Variants in GSN observed in about 807,000 individuals in gnomAD.
The protein encoded by GSN is actin-depolymerizing factor.
Under a neutral mutation model 85.7 loss-of-function variants are expected in GSN, and 56 were observed. The ratio of observed to expected loss-of-function variants is 0.65; its 90% CI spans 0.53 to 0.82. The LOEUF (loss-of-function observed/expected upper bound fraction) is 0.82, where lower values mean the gene tolerates loss of function less well. Ranked by LOEUF, GSN falls within the 40% of genes least tolerant of loss-of-function variation. The pLI is 0.00. For missense variants in GSN, 857 were observed against 979.8 expected (o/e 0.87, Z 1.67); for synonymous variants, 373 against 399.1 (o/e 0.93, Z 0.78).
chr9:121,252,739 G>T (rs906014780), intron 6 of GSN, among the ~76,000 whole-genome samples: 3 of 152,172 alleles, frequency 2.0e-5, no homozygotes, highest in Non-Finnish European at 4.4e-5. Flanking sequence ...CACATGCATT[G>T]GATATGTGTC....
intron 2 of GSN, among the ~76,000 whole-genome samples, chr9:121,290,557 A>G (rs967697542): frequency 6.6e-6 from 1 of 152,234 alleles, no homozygotes; most frequent in Non-Finnish European, 1.5e-5. Flanking sequence ...TTTAAAAAAT[A>G]CAAGTTATTG....
intron 12 of GSN, among the ~76,000 whole-genome samples, chr9:121,326,236 C>T (rs1309607771): frequency 2.0e-5 from 3 of 151,888 alleles, no homozygotes; most frequent in Non-Finnish European, 4.4e-5. Context: ...AACACAGGCT[C>T]TCCTGGTTCT....
At chr9:121,276,556 C>G (rs1217125727) in intron 1 of GSN, among the ~76,000 whole-genome samples, 4 of 152,248 alleles carry the variant, frequency 2.6e-5, no homozygotes, top group African/African-American at 9.6e-5. Context: ...ACTGCCTCCT[C>G]ATCTCAAAAC....
intron 4 of GSN, among the ~76,000 whole-genome samples, chr9:121,226,618 C>T (rs2054276261): frequency 6.6e-6 from 1 of 152,182 alleles, no homozygotes; most frequent in Non-Finnish European, 1.5e-5. Context: ...CACAGAGCTC[C>T]TAAAATTCTT....
chr9:121,213,297 A>G (rs906668914), intron 4 of GSN, among the ~76,000 whole-genome samples: 1 of 152,168 alleles, frequency 6.6e-6, no homozygotes, highest in Non-Finnish European at 1.5e-5. Context: ...GCTTCCAAAA[A>G]CTATGGGGAA....
intron 5 of GSN, among the ~76,000 whole-genome samples, chr9:121,235,668 T>C (rs1338513130): frequency 6.6e-6 from 1 of 152,222 alleles, no homozygotes; most frequent in Non-Finnish European, 1.5e-5. Flanking sequence ...AGCTGGGTTC[T>C]GGCTGGTGGG....
chr9:121,276,467 G>GA (rs2056683595), intron 1 of GSN, among the ~76,000 whole-genome samples: 1 of 152,214 alleles, frequency 6.6e-6, no homozygotes, highest in Non-Finnish European at 1.5e-5. Context: ...ACAAAGGACC[G>GA]AATGACTTGG....
At position 121,294,903 on chromosome 9, in the gene GSN, AG is replaced by A. The variant is rs369709482; in HGVS notation, c.-9-7059del. Among the ~76,000 whole-genome samples the A allele has an allele frequency of 5.4e-3, 825 of 152,308 alleles. 9 individuals carry two copies. The highest frequency in any genetic ancestry group is 0.019 in the African/African-American group (786 of 41,564). On this transcript the variant is annotated intron_variant, in intron 2 of 17. Coordinates refer to ENST00000432226, the MANE Select transcript of GSN (RefSeq NM_198252.3). ...CCTGCTCTGAACAACATACTCCAAC[AG>A]TCTCACTTCTGTTCCCCCAAAAGTC...
intron 7 of GSN, among the ~76,000 whole-genome samples, chr9:121,314,930 C>G (rs1311332296): frequency 6.6e-6 from 1 of 152,212 alleles, no homozygotes; most frequent in Non-Finnish European, 1.5e-5. Flanking sequence ...GGCACAATCA[C>G]AGCTCACTGC....
At chr9:121,232,291 T>C (rs2054405593) in intron 5 of GSN, among the ~76,000 whole-genome samples, 1 of 152,330 alleles carries the variant, frequency 6.6e-6, no homozygotes, top group Admixed American at 6.5e-5. Flanking sequence ...ATTTATGTAA[T>C]GAGGAAATCT....
intron 6 of GSN, chr9:121,313,625 G>A (rs141172677): frequency 6.7e-5 from 29 of 433,926 alleles, no homozygotes; most frequent in Non-Finnish European, 1.0e-4. Flanking sequence ...AAAGGTAGGC[G>A]GTAGAAGGTG....
chr9:121,288,054 G>T (rs553793532), intron 2 of GSN, among the ~76,000 whole-genome samples: 95 of 152,264 alleles, frequency 6.2e-4, no homozygotes, highest in Non-Finnish European at 1.2e-3. Context: ...AGCCTCCCGA[G>T]TAGGTGGGAC....
chr9:121,239,370 G>T, intron 5 of GSN: 1 of 449,158 alleles, frequency 2.2e-6, no homozygotes, highest in South Asian at 1.9e-5. Flanking sequence ...GGCAGATGTT[G>T]TCCATTGAGC....
In GSN at chr9:121,329,054, G is replaced by A. The variant is rs774408394; in HGVS notation, c.1887+39G>A. On this transcript the variant is annotated intron_variant, in intron 15 of 17. Coordinates refer to ENST00000432226, the MANE Select transcript of GSN (RefSeq NM_198252.3). The surrounding 1 kb of genome is among the most constrained non-coding windows in gnomAD (Gnocchi z 4.6). ...GAGGTCACACCTCTGCTTTCCCCTCGGGAGGCGAGTTCCACAGGACTGGCC... is the reference window on the plus strand; with the variant it reads ...GAGGTCACACCTCTGCTTTCCCCTCAGGAGGCGAGTTCCACAGGACTGGCC... 2.2e-5 allele frequency: 36 copies of A among 1,610,128 alleles called. No homozygotes were observed. The highest frequency in any genetic ancestry group is 4.5e-5 in the East Asian group (2 of 44,828).
intron 2 of GSN, chr9:121,286,210 G>T: frequency 6.8e-7 from 1 of 1,464,484 alleles, no homozygotes; most frequent in Non-Finnish European, 9.2e-7. Flanking sequence ...ATCTGGGGTG[G>T]TCCCCGAAGC....
chr9:121,205,733 T>C (rs1052508), upstream of GSN, among the ~76,000 whole-genome samples: 54,344 of 151,970 alleles, frequency 0.36, 12,101 homozygotes, highest in South Asian at 0.64. Flanking sequence ...CCTCCAGGTG[T>C]GCAGGTTGTT....
chr9:121,257,891 A>G lies in GSN; in HGVS notation c.-340-7263A>G, dbSNP rs10985193. Among the ~76,000 whole-genome samples, 74 of 152,248 alleles carry G rather than the reference A, an allele frequency of 4.9e-4. No homozygotes were observed. In the East Asian group the frequency reaches 0.014, roughly 28 times the overall value. The stretch of plus-strand genomic sequence containing the variant: ...GTCTCAAAACAAAACAAAAAAATGA[A>G]ACAAAACAAAAAGCCAGAGGCTCAG... On this transcript the variant is annotated intron_variant, in intron 6 of 24. Transcript: ENST00000373823.
At chr9:121,321,963 G>A (rs999187528) in intron 11 of GSN, among the ~76,000 whole-genome samples, 2 of 151,938 alleles carry the variant, frequency 1.3e-5, no homozygotes, top group Non-Finnish European at 2.9e-5. Context: ...GGCTGGTCTC[G>A]AACTCCTGAC....
intron 2 of GSN, chr9:121,284,355 G>T (rs11787991): frequency 0.029 from 4,772 of 167,080 alleles, 106 homozygotes; most frequent in Non-Finnish European, 0.035. Flanking sequence ...CACTTTCCCA[G>T]GATTCTCTCA....
Sources: gnomAD v4.1 joint callset for allele counts (sites outside exome capture counted in the v4.1 genomes callset) on GRCh38, gnomAD v4.1.1 for gene constraint, Gnocchi (gnomAD v3.1) non-coding constraint, MANE v1.5 for transcripts, NCBI Gene and HGNC (gene_info 2026-07-23, HGNC 2026-07-21) for gene names.